Variants in TRMT13 observed in about 807,000 individuals in gnomAD.
TRMT13 encodes the protein tRNA:m(4)X modification enzyme TRM13 homolog.
A neutral mutation model predicts 55.9 loss-of-function variants in TRMT13; 45 were observed. That is an observed-to-expected ratio of 0.80 (90% CI 0.63 to 1.03). TRMT13 has a LOEUF of 1.03. TRMT13 is among the 50% of genes least tolerant of loss of function. The probability of loss-of-function intolerance (pLI) is 0.00; values close to 1 mark genes in which losing one functional copy is unlikely to be tolerated. For missense variants in TRMT13, 513 were observed against 563.9 expected (o/e 0.91, Z 0.91); for synonymous variants, 183 against 196.3 (o/e 0.93, Z 0.57).
rs556882159 is a variant in TRMT13 at position 100,148,864 on chromosome 1, T to A, written c.*44T>A. ...ATCATCTGTCTTCCACCAAAAAAAA[T>A]TTTTTAATTATATTTTTATATCAAA... On this transcript the variant is annotated 3_prime_UTR_variant, in exon 11 of 11. Coordinates refer to ENST00000370141, the MANE Select transcript of TRMT13 (RefSeq NM_019083.3). 1.3e-4 allele frequency: 167 copies of A among 1,256,208 alleles called. No individual in the cohort carries two copies. Among genetic ancestry groups the A allele is most frequent in the African/African-American group, 8.2e-4 (52 of 63,590 alleles). The allele number at this position is 1,256,208 out of a possible 1,614,324, so 77.8% of individuals were successfully genotyped here. A position where few individuals can be genotyped will look rare whatever the true frequency, so the allele number is the denominator to read the frequency against.
rs907044741 is a variant in TRMT13 at position 100,150,116 on chromosome 1, C to T, written c.*1296C>T. Reference sequence around the variant, plus strand: ...TGATGATGATAACAATAATACCTACCTCACAAGGTTGTTGTGAGCATCAAA... The same window carrying T: ...TGATGATGATAACAATAATACCTACTTCACAAGGTTGTTGTGAGCATCAAA... On this transcript the variant is annotated 3_prime_UTR_variant, in exon 11 of 11. Coordinates refer to ENST00000370141, the MANE Select transcript of TRMT13 (RefSeq NM_019083.3). 2 of 152,262 alleles carry T rather than the reference C, an allele frequency of 1.3e-5. No individual in the cohort carries two copies. The highest frequency in any genetic ancestry group is 1.3e-4 in the Admixed American group (2 of 15,270). 9.4% of individuals were successfully genotyped at this position (152,262 alleles called of 1,614,324 possible).
intron 9 of TRMT13, among the ~76,000 whole-genome samples, chr1:100,145,213 T>C (rs1283337022): frequency 6.6e-6 from 1 of 152,216 alleles, no homozygotes; most frequent in Non-Finnish European, 1.5e-5. Context: ...TAGTACACTC[T>C]GATGTTCCTA....
intron 9 of TRMT13, among the ~76,000 whole-genome samples, chr1:100,145,590 T>C (rs1657147285): frequency 6.6e-6 from 1 of 152,224 alleles, no homozygotes; most frequent in African/African-American, 2.4e-5. Flanking sequence ...GTCCTTAAAA[T>C]ACTAATATTC....
At chr1:100,141,089 A>T in intron 7 of TRMT13, 70 bp downstream of exon 7, 1 of 1,346,252 alleles carries the variant, frequency 7.4e-7, no homozygotes, top group Non-Finnish European at 1.0e-6. Flanking sequence ...GAAAAAAGTG[A>T]TAGAAACATT....
In TRMT13 at chr1:100,149,739, T is replaced by C. The variant is rs1465890641; in HGVS notation, c.*919T>C. 4.5e-6 allele frequency: 1 copy of C among 223,348 alleles called. No homozygotes were observed. Among genetic ancestry groups the C allele is most frequent in the Non-Finnish European group, 8.7e-6 (1 of 114,770 alleles). 13.8% of individuals were successfully genotyped at this position (223,348 alleles called of 1,614,324 possible). A position where few individuals can be genotyped will look rare whatever the true frequency, so the allele number is the denominator to read the frequency against. On this transcript the variant is annotated 3_prime_UTR_variant, in exon 11 of 11. Coordinates refer to ENST00000370141, the MANE Select transcript of TRMT13 (RefSeq NM_019083.3). ...CTGGTTTCTATGCACAAGAAAATACTAAACCAAATATATGGTAGGACTGTT... is the reference window on the plus strand; with the variant it reads ...CTGGTTTCTATGCACAAGAAAATACCAAACCAAATATATGGTAGGACTGTT...
intron 8 of TRMT13, among the ~76,000 whole-genome samples, chr1:100,143,668 A>G (rs962205284): frequency 2.6e-5 from 4 of 152,182 alleles, no homozygotes; most frequent in Admixed American, 1.3e-4. Context: ...CATATTCCAT[A>G]CACAAAACAC....
chr1:100,149,616 T>A lies in TRMT13; in HGVS notation c.*796T>A. The A allele has an allele frequency of 4.1e-6, 2 of 486,756 alleles. No homozygotes were observed. The highest frequency in any genetic ancestry group is 7.2e-6 in the Non-Finnish European group (2 of 278,614). 30.2% of individuals were successfully genotyped at this position (486,756 alleles called of 1,614,324 possible). Reference sequence around the variant, plus strand: ...TATATATGTAGGCACAAACAATAAGTATGTTCTCTTCTGTTTGGGAAAATA... The same window carrying A: ...TATATATGTAGGCACAAACAATAAGAATGTTCTCTTCTGTTTGGGAAAATA... On this transcript the variant is annotated 3_prime_UTR_variant, in exon 11 of 11. Transcript: ENST00000370141.
At position 100,148,228 on chromosome 1, in the gene TRMT13, T is replaced by A; in HGVS notation, c.1152T>A (p.Asn384Lys). 6.2e-7 allele frequency: 1 copy of A among 1,614,104 alleles called. No individual in the cohort carries two copies. Residue 384 changes from asparagine (N) to lysine (K), a missense_variant, in exon 10 of 11, where the codon AAT becomes AAA. Physicochemically the swap from Asn to Lys is moderately conservative, Grantham distance 94 (BLOSUM62 0). Transcript: ENST00000370141. Reference protein sequence around the residue: ...GMRKTSLETSNSTTKRQDNQN... With the variant: ...GMRKTSLETSKSTTKRQDNQN... ...GGAAAACATCTTTGGAAACCTCAAATAGTACCACAAAGAGGCAAGATAATC... is the reference window on the plus strand; with the variant it reads ...GGAAAACATCTTTGGAAACCTCAAAAAGTACCACAAAGAGGCAAGATAATC...
In TRMT13 at chr1:100,150,236, CTT is replaced by C. The variant is rs969418691; in HGVS notation, c.*1420_*1421del. 6.6e-6 allele frequency: 1 copy of C among 152,108 alleles called. No homozygotes were observed. The highest frequency in any genetic ancestry group is 2.4e-5 in the African/African-American group (1 of 41,420). The allele number at this position is 152,108 out of a possible 1,614,324, so 9.4% of individuals were successfully genotyped here. On this transcript the variant is annotated 3_prime_UTR_variant, in exon 11 of 11. Transcript: ENST00000370141. ...ATAGTAGTGGTAGTAACTCGTGAAT[CTT>C]TTTAATAACATAATAGGCTTTGATT...
At position 100,150,147 on chromosome 1, in the gene TRMT13, T is replaced by A. The variant is rs149131258; in HGVS notation, c.*1327T>A. The A allele has an allele frequency of 2.6e-5, 4 of 152,228 alleles. No homozygotes were observed. The highest frequency in any genetic ancestry group is 5.9e-5 in the Non-Finnish European group (4 of 68,100). The allele number at this position is 152,228 out of a possible 1,614,324, so 9.4% of individuals were successfully genotyped here. A position where few individuals can be genotyped will look rare whatever the true frequency, so the allele number is the denominator to read the frequency against. On this transcript the variant is annotated 3_prime_UTR_variant, in exon 11 of 11. Transcript: ENST00000370141. ...AGGTTGTTGTGAGCATCAAATGAGA[T>A]AACACAAGTAAAATGCATAGAACAG...
chr1:100,143,058 C>A, intron 7 of TRMT13, 79 bp from the exon 8 acceptor site: 1 of 943,766 alleles, frequency 1.1e-6, no homozygotes, highest in Non-Finnish European at 1.6e-6. Context: ...ATTTTGAAAA[C>A]CAATAAAAAT....
intron 10 of TRMT13, 85 bp from the exon 11 acceptor site, chr1:100,148,540 T>C: frequency 7.8e-7 from 1 of 1,285,982 alleles, no homozygotes; most frequent in South Asian, 1.3e-5. Flanking sequence ...TAGTTAACAG[T>C]CTCTCAATAA....
intron 5 of TRMT13, 33 bp from the exon 6 acceptor site, chr1:100,140,375 C>A: frequency 6.3e-7 from 1 of 1,585,390 alleles, no homozygotes; most frequent in Non-Finnish European, 8.7e-7. Context: ...ACATGTTTGG[C>A]TGCTTAAGCT....
chr1:100,133,247 A>C lies in TRMT13; in HGVS notation c.79A>C (p.Lys27Gln), dbSNP rs1245860431. 1.9e-6 allele frequency: 3 copies of C among 1,614,014 alleles called. No individual in the cohort carries two copies. In the African/African-American group the frequency reaches 4.0e-5, roughly 22 times the overall value. The change falls in exon 1 of 11, where the codon AAA (lysine) becomes CAA (glutamine). Residue 27 changes from lysine (K) to glutamine (Q), a missense_variant. By Grantham distance (53) the Lys-to-Gln change is moderately conservative. Around this residue, in one of 3 missense-constraint regions of TRMT13, gnomAD observed 298 missense variants for 290.3 expected, o/e 1.03. Transcript: ENST00000370141. ...ATGCGGTTACTATGTGGAAAAGAAGAAACGGTTCTGCAGGATGGTGGTGGC... is the reference window on the plus strand; with the variant it reads ...ATGCGGTTACTATGTGGAAAAGAAGCAACGGTTCTGCAGGATGGTGGTGGC... ...GRCGYYVEKK[K>Q]RFCRMVVAAG...
chr1:100,144,234 T>C, intron 9 of TRMT13, 91 bp downstream of exon 9: 1 of 869,216 alleles, frequency 1.2e-6, no homozygotes, highest in Non-Finnish European at 1.9e-6. Flanking sequence ...TTTGAATAGA[T>C]ATCTTATGTT....
chr1:100,149,265 A>T lies in TRMT13; in HGVS notation c.*445A>T. 1.3e-6 allele frequency: 2 copies of T among 1,516,362 alleles called. No homozygotes were observed. The highest frequency in any genetic ancestry group is 1.8e-6 in the Non-Finnish European group (2 of 1,137,710). 93.9% of individuals were successfully genotyped at this position (1,516,362 alleles called of 1,614,324 possible). A position where few individuals can be genotyped will look rare whatever the true frequency, so the allele number is the denominator to read the frequency against. Reference sequence around the variant, plus strand: ...CTGAGAATTTGACTTATATGTGGACATTTTTCCCTACAGATCTGGAAAGCA... The same window carrying T: ...CTGAGAATTTGACTTATATGTGGACTTTTTTCCCTACAGATCTGGAAAGCA... On this transcript the variant is annotated 3_prime_UTR_variant, in exon 11 of 11. Coordinates refer to ENST00000370141, the MANE Select transcript of TRMT13 (RefSeq NM_019083.3).
intron 1 of TRMT13, among the ~76,000 whole-genome samples, chr1:100,134,374 A>G (rs1231726446): frequency 2.0e-5 from 3 of 152,220 alleles, no homozygotes; most frequent in Non-Finnish European, 2.9e-5. Context: ...AGCGATCAGC[A>G]TCAGATTTCA....
chr1:100,138,067 A>T (rs751799185), intron 3 of TRMT13, among the ~76,000 whole-genome samples: 1 of 152,230 alleles, frequency 6.6e-6, no homozygotes, highest in Non-Finnish European at 1.5e-5. Context: ...CCCTTGGGTG[A>T]GTTTCACTGC....
Position 100,148,892 on chromosome 1 carries a change from AAT to A in TRMT13, c.*78_*79del. On this transcript the variant is annotated 3_prime_UTR_variant, in exon 11 of 11. Coordinates refer to ENST00000370141, the MANE Select transcript of TRMT13 (RefSeq NM_019083.3). ...TTTAATTATATTTTTATATCAAAAA[AAT>A]ATATACTTTAAATAGCAAATAATAT... is the stretch of plus-strand genomic sequence containing the variant. 8.9e-7 allele frequency: 1 copy of A among 1,127,630 alleles called. No homozygotes were observed. The allele number at this position is 1,127,630 out of a possible 1,614,324, so 69.9% of individuals were successfully genotyped here.
Sources: allele counts gnomAD v4.1 joint callset (sites outside exome capture counted in the v4.1 genomes callset), GRCh38; gene constraint gnomAD v4.1.1; regional missense constraint gnomAD v4.1.1; transcripts MANE v1.5; gene names NCBI Gene and HGNC (gene_info 2026-07-23, HGNC 2026-07-21).